The following AUTS2 variants were observed in gnomAD, a reference collection of about 807,000 sequenced individuals.
AUTS2 encodes the protein activator of transcription and developmental regulator AUTS2.
AUTS2 carries 17 observed loss-of-function variants against 112.4 expected under a neutral mutation model. That is an observed-to-expected ratio of 0.15 (90% CI 0.10 to 0.23). The LOEUF (loss-of-function observed/expected upper bound fraction) is 0.23, where lower values mean the gene tolerates loss of function less well. AUTS2 is among the 10% of genes least tolerant of loss of function. The pLI, the probability that AUTS2 is intolerant of heterozygous loss-of-function variation, is 1.00. For missense variants in AUTS2, 1,510 were observed against 1,701.6 expected, an observed-to-expected ratio of 0.89 and a Z score of 1.98; for synonymous variants, 751 against 702.7, an observed-to-expected ratio of 1.07 and a Z score of -1.09.
intron 4 of AUTS2, among the ~76,000 whole-genome samples, chr7:70,248,284 T>G (rs1356195146): frequency 2.6e-5 from 4 of 152,100 alleles, no homozygotes; most frequent in Admixed American, 2.6e-4. Context: ...AATTTTTGTA[T>G]TTTTAGTAAA....
chr7:70,390,061 T>C (rs1239823098), intron 4 of AUTS2, among the ~76,000 whole-genome samples: 1 of 152,188 alleles, frequency 6.6e-6, no homozygotes, highest in African/African-American at 2.4e-5. Flanking sequence ...TCTTATTGTT[T>C]TGTGGATTCA....
chr7:70,518,117 G>C (rs1264144405), intron 5 of AUTS2, among the ~76,000 whole-genome samples: 2 of 152,176 alleles, frequency 1.3e-5, no homozygotes, highest in Non-Finnish European at 2.9e-5. Context: ...TGAACATTCA[G>C]AAACAGAATG....
intron 1 of AUTS2, among the ~76,000 whole-genome samples, chr7:69,656,331 C>T (rs1795537095): frequency 6.6e-6 from 1 of 152,320 alleles, no homozygotes; most frequent in Non-Finnish European, 1.5e-5. Flanking sequence ...AGTGGTATTA[C>T]CACAGAGGCT....
At position 70,117,749 on chromosome 7, in the gene AUTS2, CT is replaced by C. The variant is rs202124430; in HGVS notation, c.523-369del. ...AGATCAGAACCTTAAATTGTTCACT[CT>C]TTTTTTTTTTTTTGTGAGACGGAGT... On this transcript the variant is annotated intron_variant, in intron 2 of 18. Transcript: ENST00000342771. Among the ~76,000 whole-genome samples the C allele has an allele frequency of 8.5e-3, 1,224 of 143,642 alleles. 6 individuals carry two copies. Among genetic ancestry groups the C allele is most frequent in the African/African-American group, 0.019 (737 of 39,410 alleles). The allele number at this position is 143,642 out of a possible 152,430, so 94.2% of individuals were successfully genotyped here.
chr7:69,971,974 A>T, intron 2 of AUTS2, among the ~76,000 whole-genome samples: 1 of 152,094 alleles, frequency 6.6e-6, no homozygotes, highest in Non-Finnish European at 1.5e-5. Flanking sequence ...TATGTATAGT[A>T]TTTGCGTGGT....
intron 5 of AUTS2, among the ~76,000 whole-genome samples, chr7:70,647,477 G>A (rs1292400232): frequency 1.3e-5 from 2 of 152,144 alleles, no homozygotes; most frequent in Non-Finnish European, 2.9e-5. Flanking sequence ...ATATAATCCA[G>A]AAAAAACAGC....
intron 1 of AUTS2, among the ~76,000 whole-genome samples, chr7:69,866,885 C>T (rs1793260410): frequency 6.6e-6 from 1 of 152,240 alleles, no homozygotes; most frequent in South Asian, 2.1e-4. Flanking sequence ...TAAGCATTTA[C>T]AGCCTGGGTT....
At chr7:69,756,139 G>A (rs189260821) in intron 1 of AUTS2, among the ~76,000 whole-genome samples, 1 of 152,212 alleles carries the variant, frequency 6.6e-6, no homozygotes, top group African/African-American at 2.4e-5. Context: ...TAATAGTCTA[G>A]TGAAGTGATC....
chr7:69,767,522 T>G (rs1788480409), intron 1 of AUTS2, among the ~76,000 whole-genome samples: 1 of 152,202 alleles, frequency 6.6e-6, no homozygotes, highest in East Asian at 1.9e-4. Context: ...TTTGCCGTAG[T>G]TGGACTTCTC....
chr7:70,346,854 A>G (rs575798064), intron 4 of AUTS2, among the ~76,000 whole-genome samples: 3 of 152,168 alleles, frequency 2.0e-5, no homozygotes, highest in Non-Finnish European at 4.4e-5. Flanking sequence ...CTCACGTGAA[A>G]CAACATGAAT....
At chr7:69,917,465 A>G (rs1038598707) in intron 2 of AUTS2, among the ~76,000 whole-genome samples, 1 of 151,994 alleles carries the variant, frequency 6.6e-6, no homozygotes, top group East Asian at 1.9e-4. Context: ...GAAATGGACT[A>G]TACTACCTCT....
intron 2 of AUTS2, among the ~76,000 whole-genome samples, chr7:70,081,387 TAAAA>T (rs57155688): frequency 7.9e-5 from 7 of 88,952 alleles, no homozygotes; most frequent in Admixed American, 6.6e-4. Context: ...CCCGTCTCTA[TAAAA>T]AAAAAAAAAA....
chr7:70,387,041 T>A (rs1318696258), intron 4 of AUTS2, among the ~76,000 whole-genome samples: 1 of 152,194 alleles, frequency 6.6e-6, no homozygotes, highest in Admixed American at 6.5e-5. Flanking sequence ...GACTGCATCT[T>A]CATTTTCTTT....
At chr7:70,582,614 C>A (rs1802504188) in intron 5 of AUTS2, among the ~76,000 whole-genome samples, 2 of 152,216 alleles carry the variant, frequency 1.3e-5, no homozygotes, top group Non-Finnish European at 2.9e-5. Context: ...AGCATCTTTT[C>A]ATTTAGCAGA....
At chr7:69,620,873 A>G (rs1793623307) in intron 1 of AUTS2, among the ~76,000 whole-genome samples, 1 of 152,146 alleles carries the variant, frequency 6.6e-6, no homozygotes, top group African/African-American at 2.4e-5. Flanking sequence ...AGAATCCAGT[A>G]CTTGTGAATC....
intron 5 of AUTS2, among the ~76,000 whole-genome samples, chr7:70,618,821 C>T (rs781625394): frequency 6.6e-6 from 1 of 152,168 alleles, no homozygotes; most frequent in Non-Finnish European, 1.5e-5. Flanking sequence ...GAAAGAAAAG[C>T]TCTCGAACAG....
chr7:70,158,533 A>G (rs568963628), intron 4 of AUTS2, among the ~76,000 whole-genome samples: 1 of 152,230 alleles, frequency 6.6e-6, no homozygotes, highest in South Asian at 2.1e-4. Flanking sequence ...TAAGAGAGGC[A>G]GTATAGGGGA....
chr7:70,608,583 A>G (rs2129532527), intron 5 of AUTS2, among the ~76,000 whole-genome samples: 1 of 152,288 alleles, frequency 6.6e-6, no homozygotes, highest in South Asian at 2.1e-4. Flanking sequence ...GCCTCCCCCC[A>G]TAGTAAGAAA....
intron 5 of AUTS2, among the ~76,000 whole-genome samples, chr7:70,481,708 G>T (rs1413604510): frequency 3.3e-5 from 5 of 152,170 alleles, no homozygotes; most frequent in Admixed American, 3.3e-4. Context: ...GATTGTCTGG[G>T]CTGGGGAATC....
Sources: allele counts gnomAD v4.1 joint callset (sites outside exome capture counted in the v4.1 genomes callset), GRCh38; gene constraint gnomAD v4.1.1; transcripts MANE v1.5; gene names NCBI Gene and HGNC (gene_info 2026-07-23, HGNC 2026-07-21).